The following RGS6 variants were observed in gnomAD, a reference collection of about 807,000 sequenced individuals.
RGS6 encodes regulator of G-protein signaling 6.
RGS6 carries 30 observed loss-of-function variants against 78.5 expected under a neutral mutation model. The ratio of observed to expected loss-of-function variants is 0.38; its 90% CI spans 0.29 to 0.52. The LOEUF (loss-of-function observed/expected upper bound fraction) is 0.52, where lower values mean the gene tolerates loss of function less well. Ranked by LOEUF, RGS6 falls within the 20% of genes least tolerant of loss-of-function variation. The pLI is 0.85. For missense variants in RGS6, 495 were observed against 609.7 expected (o/e 0.81, Z 1.98); for synonymous variants, 206 against 206.0 (o/e 1.00, Z 0.00).
chr14:72,179,268 G>A (rs2097143863), intron 2 of RGS6, among the ~76,000 whole-genome samples: 1 of 152,192 alleles, frequency 6.6e-6, no homozygotes, highest in Admixed American at 6.5e-5. Context: ...ATGAGTGCCT[G>A]CCCCAGGTGG....
rs2094272343 is a variant in RGS6 at position 71,978,527 on chromosome 14, G to T, written c.84+13652G>T. Among the ~76,000 whole-genome samples, 2 of 62,686 alleles carry T rather than the reference G, an allele frequency of 3.2e-5. 1 individual carries two copies. The highest frequency in any genetic ancestry group is 1.5e-3 in the South Asian group (2 of 1,318). The allele number at this position is 62,686 out of a possible 152,430, so 41.1% of individuals were successfully genotyped here. On this transcript the variant is annotated intron_variant, in intron 2 of 17. Transcript: ENST00000553525. ...CTGCATCTATTGAGATTATCATGCG[G>T]TTTTTGTCTTTGGTTCTGTTTATAT...
At chr14:72,096,468 TATC>T (rs763129824) in intron 2 of RGS6, among the ~76,000 whole-genome samples, 9 of 152,178 alleles carry the variant, frequency 5.9e-5, no homozygotes, top group Non-Finnish European at 1.0e-4. Context: ...CAAATGTCAA[TATC>T]ATGTACACAG....
chr14:72,256,017 G>A (rs183198054), intron 2 of RGS6, among the ~76,000 whole-genome samples: 1 of 152,232 alleles, frequency 6.6e-6, no homozygotes, highest in East Asian at 1.9e-4. Context: ...ACTTGCTTTT[G>A]TTACAGCCCA....
chr14:72,511,251 T>C (rs2096874684), intron 14 of RGS6, among the ~76,000 whole-genome samples: 2 of 152,234 alleles, frequency 1.3e-5, no homozygotes, highest in Admixed American at 1.3e-4. Flanking sequence ...TCTTTAAAGA[T>C]GTCTTAATAA....
intron 13 of RGS6, among the ~76,000 whole-genome samples, chr14:72,507,621 C>T (rs1228605088): frequency 6.6e-6 from 1 of 152,184 alleles, no homozygotes; most frequent in Admixed American, 6.5e-5. Context: ...AAAAATTGCC[C>T]TTCTCCCACT....
intron 3 of RGS6, among the ~76,000 whole-genome samples, chr14:72,364,174 C>G (rs1040721420): frequency 6.6e-6 from 1 of 152,046 alleles, no homozygotes; most frequent in Admixed American, 6.6e-5. Flanking sequence ...TATTGTTTAG[C>G]AATATCAGAT....
chr14:72,400,386 G>T (rs2092235123), intron 3 of RGS6, among the ~76,000 whole-genome samples: 1 of 152,182 alleles, frequency 6.6e-6, no homozygotes, highest in African/African-American at 2.4e-5. Context: ...GAAAGAAGAT[G>T]ATTTTAATGC....
At chr14:72,135,463 T>C (rs1275800867) in intron 2 of RGS6, among the ~76,000 whole-genome samples, 2 of 152,194 alleles carry the variant, frequency 1.3e-5, no homozygotes, top group East Asian at 1.9e-4. Context: ...TCTAAACTTC[T>C]CTGAGTCTTG....
chr14:71,944,881 A>G (rs1309609761), intron 1 of RGS6, among the ~76,000 whole-genome samples: 1 of 152,188 alleles, frequency 6.6e-6, no homozygotes, highest in Non-Finnish European at 1.5e-5. Flanking sequence ...GCCATGTGGT[A>G]TAGTGCTCCT....
chr14:72,615,616 C>CCA, the RGS6 span, among the ~76,000 whole-genome samples: 1 of 152,312 alleles, frequency 6.6e-6, no homozygotes, highest in South Asian at 2.1e-4. Flanking sequence ...TTCCACCCAC[C>CCA]CACAGGCTCT....
At chr14:72,581,417 C>G in the RGS6 span, among the ~76,000 whole-genome samples, 327 of 152,266 alleles carry the variant, frequency 2.1e-3, no homozygotes, top group African/African-American at 7.4e-3. Context: ...ATTCCAGCTC[C>G]CACCACGACA....
At chr14:72,110,488 G>T (rs1475536510) in intron 2 of RGS6, among the ~76,000 whole-genome samples, 2 of 152,108 alleles carry the variant, frequency 1.3e-5, no homozygotes, top group African/African-American at 2.4e-5. Flanking sequence ...TGACTCTCTC[G>T]GCAGAAAGTC....
intron 2 of RGS6, among the ~76,000 whole-genome samples, chr14:72,112,265 C>G (rs892112040): frequency 6.6e-6 from 1 of 152,212 alleles, no homozygotes; most frequent in Non-Finnish European, 1.5e-5. Flanking sequence ...TCCTATACCA[C>G]TTACGTTTGC....
At chr14:72,298,267 T>C (rs2065264996) in intron 2 of RGS6, among the ~76,000 whole-genome samples, 1 of 151,996 alleles carries the variant, frequency 6.6e-6, no homozygotes, top group Non-Finnish European at 1.5e-5. Context: ...TGTTGAATTA[T>C]ATTGACTAAT....
intron 3 of RGS6, among the ~76,000 whole-genome samples, chr14:72,357,616 T>G (rs2080596699): frequency 6.6e-6 from 1 of 152,212 alleles, no homozygotes; most frequent in African/African-American, 2.4e-5. Flanking sequence ...TTTGTGAAAC[T>G]TTGAACTTGA....
intron 2 of RGS6, among the ~76,000 whole-genome samples, chr14:72,108,345 C>G (rs1404303504): frequency 6.6e-6 from 1 of 151,846 alleles, no homozygotes; most frequent in Non-Finnish European, 1.5e-5. Flanking sequence ...TGCAAGAAGC[C>G]CATAGAGATT....
At chr14:72,100,356 G>C (rs767807156) in intron 2 of RGS6, among the ~76,000 whole-genome samples, 5 of 152,130 alleles carry the variant, frequency 3.3e-5, no homozygotes, top group Non-Finnish European at 5.9e-5. Flanking sequence ...TTAGCTAGGC[G>C]TGGTGGTGCA....
In RGS6 at chr14:72,070,158, C is replaced by G. The variant is rs138557914; in HGVS notation, c.84+105283C>G. Among the ~76,000 whole-genome samples the G allele has an allele frequency of 1.2e-3, 181 of 151,900 alleles. 1 individual carries two copies. Among genetic ancestry groups the G allele is most frequent in the African/African-American group, 2.9e-3 (122 of 41,428 alleles). Reference sequence around the variant, plus strand: ...TCTCTCTCTCTCTCTCTGTCTCTCTCTGTGTGTGTGTGTAAGGGAGAGAAT... The same window carrying G: ...TCTCTCTCTCTCTCTCTGTCTCTCTGTGTGTGTGTGTGTAAGGGAGAGAAT... On this transcript the variant is annotated intron_variant, in intron 2 of 17. Transcript: ENST00000553525.
downstream of RGS6, among the ~76,000 whole-genome samples, chr14:72,570,439 AG>A (rs1259868053): frequency 1.3e-5 from 2 of 152,224 alleles, no homozygotes; most frequent in Non-Finnish European, 1.5e-5. Flanking sequence ...GGAACTATAA[AG>A]GGGCACAAAG....
Sources: allele counts gnomAD v4.1 joint callset (sites outside exome capture counted in the v4.1 genomes callset), GRCh38; gene constraint gnomAD v4.1.1; transcripts MANE v1.5; gene names NCBI Gene and HGNC (gene_info 2026-07-23, HGNC 2026-07-21).